The following CNTNAP4 variants were observed in gnomAD, a reference collection of about 807,000 sequenced individuals.
CNTNAP4 encodes the protein contactin associated protein family member 4, also known as contactin-associated protein-like 4.
Under a neutral mutation model 148.4 loss-of-function variants are expected in CNTNAP4, and 98 were observed. The ratio of observed to expected loss-of-function variants is 0.66; its 90% CI spans 0.56 to 0.78. CNTNAP4 has a LOEUF of 0.78. Ranked by LOEUF, CNTNAP4 falls within the 30% of genes least tolerant of loss-of-function variation. CNTNAP4 has a pLI of 0.00. For synonymous variants in CNTNAP4, 730 were observed against 565.1 expected, an observed-to-expected ratio of 1.29 and a Z score of -4.14; for missense variants, 1,935 against 1,565.6, an observed-to-expected ratio of 1.24 and a Z score of -3.98.
intron 2 of CNTNAP4, among the ~76,000 whole-genome samples, chr16:76,348,689 G>T (rs1022791095): frequency 2.6e-5 from 4 of 152,054 alleles, no homozygotes; most frequent in Non-Finnish European, 5.9e-5. Flanking sequence ...AAGCCTGAAC[G>T]CTGGATTTAG....
intron 3 of CNTNAP4, among the ~76,000 whole-genome samples, chr16:76,388,582 A>C (rs542269875): frequency 4.4e-4 from 67 of 152,244 alleles, no homozygotes; most frequent in African/African-American, 1.6e-3. Flanking sequence ...TCTAAAAGTC[A>C]TCTCCTGTAA....
chr16:76,323,667 C>T (rs955151801), intron 2 of CNTNAP4, among the ~76,000 whole-genome samples: 3 of 152,158 alleles, frequency 2.0e-5, no homozygotes, highest in African/African-American at 7.2e-5. Flanking sequence ...ATATTGCCCT[C>T]CCTCCTTGGC....
intron 3 of CNTNAP4, among the ~76,000 whole-genome samples, chr16:76,367,477 G>A (rs371277320): frequency 6.6e-6 from 1 of 151,886 alleles, no homozygotes; most frequent in Non-Finnish European, 1.5e-5. Flanking sequence ...TAAAAGAAAG[G>A]GTATACATTG....
chr16:76,540,347 A>C (rs950395222), intron 20 of CNTNAP4, among the ~76,000 whole-genome samples: 2 of 152,044 alleles, frequency 1.3e-5, no homozygotes, highest in African/African-American at 4.8e-5. Context: ...TACCAAGTAA[A>C]AGTGTTAAGG....
chr16:76,454,917 C>T (rs11641679), intron 8 of CNTNAP4, among the ~76,000 whole-genome samples: 7,063 of 152,134 alleles, frequency 0.046, 355 homozygotes, highest in African/African-American at 0.13. Context: ...AAAAACTCAA[C>T]ATTTTAATAT....
chr16:76,497,690 T>G (rs2082450783), intron 14 of CNTNAP4, among the ~76,000 whole-genome samples: 1 of 148,378 alleles, frequency 6.7e-6, no homozygotes, highest in East Asian at 2.0e-4. Context: ...CTGGGTCCTG[T>G]TGGGGAGTGG....
At chr16:76,518,529 AT>A (rs1345088685) in intron 15 of CNTNAP4, among the ~76,000 whole-genome samples, 13 of 152,006 alleles carry the variant, frequency 8.6e-5, no homozygotes, top group African/African-American at 3.1e-4. Flanking sequence ...TGTTATTTAA[AT>A]TTTTTTCTAG....
chr16:76,484,836 A>C (rs1463980952), intron 12 of CNTNAP4, among the ~76,000 whole-genome samples: 4 of 152,224 alleles, frequency 2.6e-5, no homozygotes, highest in Non-Finnish European at 4.4e-5. Context: ...ACTGCTGAAA[A>C]TAAGACAAAA....
At chr16:76,481,940 C>A (rs1428572507) in intron 12 of CNTNAP4, among the ~76,000 whole-genome samples, 1 of 151,576 alleles carries the variant, frequency 6.6e-6, no homozygotes, top group Non-Finnish European at 1.5e-5. Context: ...GGCTTCATGA[C>A]AATGTTGTAA....
At chr16:76,316,865 T>C (rs991849996) in intron 2 of CNTNAP4, among the ~76,000 whole-genome samples, 1 of 152,224 alleles carries the variant, frequency 6.6e-6, no homozygotes, top group Non-Finnish European at 1.5e-5. Flanking sequence ...TCAAAAACGC[T>C]AATTATTTAA....
chr16:76,440,980 T>C lies in CNTNAP4; in HGVS notation c.539-7032T>C, dbSNP rs149025059. ...AATATATTGCCATGAGGGGTGTGTG[T>C]GTATGTGAAATATGCAGTGGTAGAA... On this transcript the variant is annotated intron_variant, in intron 4 of 23. Transcript: ENST00000611870. 1.8e-4 allele frequency among the ~76,000 whole-genome samples: 28 copies of C among 152,208 alleles called. No homozygotes were observed. The East Asian group carries it at 5.0e-3, about 27-fold the overall frequency.
Position 76,560,579 on chromosome 16 carries a change from T to C in CNTNAP4, c.*1896T>C, listed in dbSNP as rs1465807596. Reference sequence around the variant, plus strand: ...TTATTTAGTAGCGGTATTAACCTCATTGGTAGCTGAACTCTAGGGAGGTTT... The same window carrying C: ...TTATTTAGTAGCGGTATTAACCTCACTGGTAGCTGAACTCTAGGGAGGTTT... On this transcript the variant is annotated 3_prime_UTR_variant, in exon 24 of 24. Transcript: ENST00000611870. Among the ~76,000 whole-genome samples, 1 of 152,154 alleles carries C rather than the reference T, an allele frequency of 6.6e-6. No homozygotes were observed. Among genetic ancestry groups the C allele is most frequent in the Non-Finnish European group, 1.5e-5 (1 of 68,022 alleles).
chr16:76,517,641 A>C (rs976525092), intron 15 of CNTNAP4, among the ~76,000 whole-genome samples: 2 of 152,232 alleles, frequency 1.3e-5, no homozygotes, highest in African/African-American at 4.8e-5. Context: ...TTTTTTAAAT[A>C]CTGTTCCTTT....
chr16:76,407,948 CCCAA>C (rs1439262197), intron 3 of CNTNAP4, among the ~76,000 whole-genome samples: 3 of 151,860 alleles, frequency 2.0e-5, no homozygotes, highest in Non-Finnish European at 2.9e-5. Context: ...CCACAGTCAC[CCCAA>C]CCTTCAGCAA....
chr16:76,476,844 C>G (rs147114458), intron 11 of CNTNAP4, among the ~76,000 whole-genome samples: 1 of 152,244 alleles, frequency 6.6e-6, no homozygotes, highest in Admixed American at 6.5e-5. Flanking sequence ...TGAGGGGACA[C>G]AAACCTTCAG....
At chr16:76,399,636 T>A (rs946210877) in intron 3 of CNTNAP4, among the ~76,000 whole-genome samples, 2 of 152,174 alleles carry the variant, frequency 1.3e-5, no homozygotes, top group Non-Finnish European at 2.9e-5. Flanking sequence ...AAAAAGAGTA[T>A]CTTTTGCATT....
intron 3 of CNTNAP4, among the ~76,000 whole-genome samples, chr16:76,361,214 A>AG (rs2013403007): frequency 1.3e-5 from 2 of 152,176 alleles, no homozygotes; most frequent in Non-Finnish European, 2.9e-5. Context: ...GTTCACTATA[A>AG]GCACAGTGTT....
At chr16:76,278,222 C>A (rs557691384) in intron 1 of CNTNAP4, among the ~76,000 whole-genome samples, 1 of 152,184 alleles carries the variant, frequency 6.6e-6, no homozygotes, top group African/African-American at 2.4e-5. Flanking sequence ...TAAAATAATG[C>A]AGGCTAATAA....
chr16:76,438,848 C>G (rs2079932148), intron 4 of CNTNAP4, among the ~76,000 whole-genome samples: 1 of 152,164 alleles, frequency 6.6e-6, no homozygotes, highest in Non-Finnish European at 1.5e-5. Flanking sequence ...AAATTTAAAT[C>G]TCCGTGTTCA....
Sources: gnomAD v4.1 joint callset for allele counts (sites outside exome capture counted in the v4.1 genomes callset) on GRCh38, gnomAD v4.1.1 for gene constraint, MANE v1.5 for transcripts, NCBI Gene and HGNC (gene_info 2026-07-23, HGNC 2026-07-21) for gene names.